C2orf80: variants seen among roughly 807,000 people sequenced by gnomAD.
C2orf80 encodes the protein uncharacterized protein C2orf80.
Under a neutral mutation model 30.2 loss-of-function variants are expected in C2orf80, and 28 were observed. That is an observed-to-expected ratio of 0.93 (90% CI 0.69 to 1.27). The LOEUF is 1.27. Among genes scored for constraint, C2orf80 ranks in the 50% most tolerant of loss-of-function variants. C2orf80 has a pLI of 0.00. For synonymous variants in C2orf80, 80 were observed against 76.4 expected (o/e 1.05, Z -0.24); for missense variants, 220 against 231.0 (o/e 0.95, Z 0.31).
At chr2:208,182,537 A>G (rs566151445) in intron 4 of C2orf80, among the ~76,000 whole-genome samples, 1 of 152,232 alleles carries the variant, frequency 6.6e-6, no homozygotes, top group East Asian at 1.9e-4. Flanking sequence ...CAGCCTCCTG[A>G]GTACAGGTGT....
intron 8 of C2orf80, among the ~76,000 whole-genome samples, chr2:208,166,071 A>G (rs559639630): frequency 6.6e-6 from 1 of 152,362 alleles, no homozygotes; most frequent in South Asian, 2.1e-4. Context: ...ATGCTTAAAA[A>G]GAACATTATT....
intron 2 of C2orf80, among the ~76,000 whole-genome samples, chr2:208,185,870 T>A (rs560259551): frequency 7.0e-4 from 107 of 152,342 alleles, no homozygotes; most frequent in African/African-American, 2.5e-3. Flanking sequence ...TGTATTTATA[T>A]CACTTTTGAA....
intron 6 of C2orf80, among the ~76,000 whole-genome samples, chr2:208,176,104 T>C (rs1348753439): frequency 6.6e-6 from 1 of 152,202 alleles, no homozygotes; most frequent in East Asian, 1.9e-4. Context: ...AGCTATTTAA[T>C]TTTTGAATAT....
At chr2:208,179,397 G>A (rs561489715) in intron 6 of C2orf80, among the ~76,000 whole-genome samples, 3 of 152,216 alleles carry the variant, frequency 2.0e-5, no homozygotes, top group Non-Finnish European at 4.4e-5. Context: ...AGGGAGGCAG[G>A]CATTCCTGTG....
At chr2:208,177,409 C>T (rs573947983) in intron 6 of C2orf80, among the ~76,000 whole-genome samples, 3 of 151,970 alleles carry the variant, frequency 2.0e-5, no homozygotes, top group Admixed American at 6.6e-5. Flanking sequence ...GGCGTGGTAA[C>T]GCATGCCTGT....
In C2orf80 at chr2:208,182,973, C is replaced by G. The variant is rs755754523; in HGVS notation, c.198G>C (p.Trp66Cys). The change falls in exon 4 of 9, where the codon TGG (tryptophan) becomes TGC (cysteine). Residue 66 changes from tryptophan (W) to cysteine (C), a missense_variant. Physicochemically the swap from Trp to Cys is radical, Grantham distance 215. Coordinates refer to ENST00000341287, the MANE Select transcript of C2orf80 (RefSeq NM_001099334.3). ...AACCTACTTCAACTTACAGTTCCTC[C>G]CACTCCAGCCAAGTTAAGTCTTCTG... Reference protein sequence around the residue: ...DPSEDLTWLEWEELKIPLHGR... With the variant: ...DPSEDLTWLECEELKIPLHGR... The G allele has an allele frequency of 6.2e-7, 1 of 1,613,110 alleles. No homozygotes were observed. The highest frequency in any genetic ancestry group is 2.2e-5 in the East Asian group (1 of 44,892).
intron 6 of C2orf80, among the ~76,000 whole-genome samples, chr2:208,177,271 G>T (rs1696387999): frequency 2.0e-5 from 3 of 151,454 alleles, no homozygotes; most frequent in South Asian, 4.1e-4. Flanking sequence ...GCCAGACGTG[G>T]TGGCTCACGC....
chr2:208,176,685 C>T (rs1696307801), intron 6 of C2orf80, among the ~76,000 whole-genome samples: 1 of 151,972 alleles, frequency 6.6e-6, no homozygotes, highest in Admixed American at 6.6e-5. Context: ...ACGACAACCC[C>T]ATCTTTGCGT....
intron 2 of C2orf80, among the ~76,000 whole-genome samples, 187 bp downstream of exon 2, chr2:208,186,759 C>T (rs1221763658): frequency 6.6e-6 from 1 of 152,182 alleles, no homozygotes; most frequent in African/African-American, 2.4e-5. Flanking sequence ...CAGCATCCTG[C>T]CTCGCACCAC....
intron 7 of C2orf80, among the ~76,000 whole-genome samples, chr2:208,171,367 C>T (rs897173223): frequency 4.6e-5 from 7 of 152,184 alleles, no homozygotes; most frequent in Middle Eastern, 3.4e-3. Flanking sequence ...GTTGCCCAGG[C>T]TGGAGTGCAG....
At chr2:208,172,637 A>T (rs1696139027) in intron 6 of C2orf80, among the ~76,000 whole-genome samples, 1 of 152,240 alleles carries the variant, frequency 6.6e-6, no homozygotes, top group Non-Finnish European at 1.5e-5. Flanking sequence ...ACAGACTGAC[A>T]AAACTGAAAA....
chr2:208,184,833 A>G (rs1696666288), intron 3 of C2orf80, 118 bp downstream of exon 3: 1 of 687,006 alleles, frequency 1.5e-6, no homozygotes, highest in Non-Finnish European at 2.4e-6. Context: ...GAGGAAGAGG[A>G]CATTTGGGGG....
chr2:208,170,831 AG>A (rs1308426316), intron 8 of C2orf80, 113 bp downstream of exon 8: 5 of 792,688 alleles, frequency 6.3e-6, no homozygotes, highest in Non-Finnish European at 1.1e-5. Flanking sequence ...AGTCGGCTCT[AG>A]ATTCAAACCC....
intron 2 of C2orf80, among the ~76,000 whole-genome samples, chr2:208,186,316 C>A (rs973029555): frequency 6.6e-6 from 1 of 152,138 alleles, no homozygotes; most frequent in Non-Finnish European, 1.5e-5. Flanking sequence ...GATGAAAAGG[C>A]TATTACTGTT....
intron 6 of C2orf80, among the ~76,000 whole-genome samples, chr2:208,174,112 C>T (rs901084585): frequency 5.3e-5 from 8 of 151,990 alleles, no homozygotes; most frequent in Non-Finnish European, 7.4e-5. Flanking sequence ...AACACCATGC[C>T]TGGCGAATTT....
rs1696354442 is a variant in C2orf80 at position 208,176,964 on chromosome 2, T to TGTGTACATATCC, written c.366+3780_366+3781insGGATATGTACAC. Among the ~76,000 whole-genome samples, 4 of 65,422 alleles carry TGTGTACATATCC rather than the reference T, an allele frequency of 6.1e-5. 1 individual carries two copies. Among genetic ancestry groups the TGTGTACATATCC allele is most frequent in the Admixed American group, 1.8e-4 (1 of 5,516 alleles). The allele number at this position is 65,422 out of a possible 152,430, so 42.9% of individuals were successfully genotyped here. The stretch of plus-strand genomic sequence containing the variant: ...ATCTGTATACATATCTGTATACATA[T>TGTGTACATATCC]GTATACATATATACAGAAATGTATA... On this transcript the variant is annotated intron_variant, in intron 6 of 8. Transcript: ENST00000341287.
intron 6 of C2orf80, among the ~76,000 whole-genome samples, chr2:208,178,031 T>G (rs1696422233): frequency 6.6e-6 from 1 of 151,980 alleles, no homozygotes; most frequent in Non-Finnish European, 1.5e-5. Context: ...TTGGCCAGGC[T>G]GGTCTCAAAC....
chr2:208,176,831 C>A (rs1054059289), intron 6 of C2orf80, among the ~76,000 whole-genome samples: 2 of 117,038 alleles, frequency 1.7e-5, no homozygotes, highest in Non-Finnish European at 3.8e-5. Flanking sequence ...CATTACACAA[C>A]CTGCCTCTCA....
At chr2:208,188,671 C>T (rs1298667799) in intron 1 of C2orf80, among the ~76,000 whole-genome samples, 1 of 152,076 alleles carries the variant, frequency 6.6e-6, no homozygotes, top group East Asian at 1.9e-4. Flanking sequence ...GGATGGTCTC[C>T]ATCTCCTGAC....
Sources: allele counts gnomAD v4.1 joint callset (sites outside exome capture counted in the v4.1 genomes callset), GRCh38; gene constraint gnomAD v4.1.1; transcripts MANE v1.5; gene names NCBI Gene and HGNC (gene_info 2026-07-23, HGNC 2026-07-21).